RPS27A: variants seen among roughly 807,000 people sequenced by gnomAD.
RPS27A encodes ribosomal protein S27a, also known as ubiquitin-ribosomal protein eS31 fusion protein.
In RPS27A, 1 loss-of-function variant was observed where a neutral mutation model predicts 18.9. The observed-to-expected ratio is 0.05, with a 90% CI of 0.02 to 0.25. RPS27A has a LOEUF of 0.25. Ranked by LOEUF, RPS27A falls within the 10% of genes least tolerant of loss-of-function variation. RPS27A has a pLI of 1.00. For missense variants in RPS27A, 123 were observed against 187.4 expected, an observed-to-expected ratio of 0.66 and a Z score of 2.01; for synonymous variants, 77 against 63.7, an observed-to-expected ratio of 1.21 and a Z score of -0.99.
chr2:55,232,979 G>A, intron 2 of RPS27A, 107 bp downstream of exon 2: 3 of 965,130 alleles, frequency 3.1e-6, no homozygotes, highest in Non-Finnish European at 3.3e-6. Context: ...CCGAATTTGG[G>A]TTCTAAAACT....
At chr2:55,233,753 C>A in intron 3 of RPS27A, 1 of 472,602 alleles carries the variant, frequency 2.1e-6, no homozygotes. Context: ...TTCAGCCTCC[C>A]TATTAGTGGG....
At chr2:55,235,079 G>C in intron 5 of RPS27A, 117 bp downstream of exon 5, 3 of 1,124,722 alleles carry the variant, frequency 2.7e-6, no homozygotes, top group Non-Finnish European at 3.9e-6. Context: ...TCCCACTTTG[G>C]TTTAAATGAG....
In RPS27A at chr2:55,232,688, C is replaced by T. The variant is rs964182670; in HGVS notation, c.-38C>T. On this transcript the variant is annotated 5_prime_UTR_variant, in exon 1 of 6. Transcript: ENST00000272317. ...CCCGTGGGCCTGCGCGGCGTTCTTC[C>T]TTTTCGATCCGCCATCTGCGGTGGG... The T allele has an allele frequency of 3.8e-5, 31 of 825,556 alleles. No individual in the cohort carries two copies. The highest frequency in any genetic ancestry group is 5.9e-5 in the Non-Finnish European group (29 of 487,650). 51.1% of individuals were successfully genotyped at this position (825,556 alleles called of 1,614,324 possible). A position where few individuals can be genotyped will look rare whatever the true frequency, so the allele number is the denominator to read the frequency against.
intron 2 of RPS27A, 134 bp downstream of exon 2, chr2:55,233,006 T>C: frequency 1.3e-6 from 1 of 781,976 alleles, no homozygotes; most frequent in East Asian, 2.7e-5. Context: ...TTGAAATGAG[T>C]ACCTTTTGCT....
At chr2:55,235,078 G>A (rs1022028112) in intron 5 of RPS27A, 116 bp downstream of exon 5, 1 of 1,161,502 alleles carries the variant, frequency 8.6e-7, no homozygotes, top group South Asian at 1.3e-5. Context: ...ATCCCACTTT[G>A]GTTTAAATGA....
rs756252319 is a variant in RPS27A at position 55,233,425 on chromosome 2, G to A, written c.103+8G>A. The stretch of plus-strand genomic sequence containing the variant: ...AGATCCAGGATAAGGAAGGCAAGTA[G>A]TATTTTGTAGTTAAGAAAACTTAAC... On this transcript the variant is annotated splice_region_variant and intron_variant, in intron 3 of 5. Transcript: ENST00000272317. 7 of 1,608,838 alleles carry A rather than the reference G, an allele frequency of 4.4e-6. No individual in the cohort carries two copies. Among genetic ancestry groups the A allele is most frequent in the East Asian group, 4.5e-5 (2 of 44,878 alleles).
upstream of RPS27A, chr2:55,232,565 C>T (rs1316396812): frequency 3.5e-6 from 2 of 570,444 alleles, no homozygotes; most frequent in Non-Finnish European, 6.3e-6. Context: ...AAGTTCACGT[C>T]CTAGTCTGGC....
At chr2:55,234,591 C>T in intron 4 of RPS27A, 2 of 581,564 alleles carry the variant, frequency 3.4e-6, no homozygotes, top group South Asian at 4.0e-5. Flanking sequence ...TTGAGAAGCA[C>T]TGCTATAGTT....
In RPS27A at chr2:55,234,858, C is replaced by G. The variant is rs1329397176; in HGVS notation, c.217C>G (p.Leu73Val). 1.2e-6 allele frequency: 2 copies of G among 1,612,428 alleles called. No homozygotes were observed. The highest frequency in any genetic ancestry group is 1.3e-5 in the African/African-American group (1 of 74,876). Residue 73 changes from leucine to valine, a missense_variant, in exon 5 of 6, where the codon CTT (leucine) becomes GTT (valine). Around this residue, in one of 2 missense-constraint regions of RPS27A, gnomAD observed 57 missense variants for 114.8 expected, o/e 0.50. Transcript: ENST00000272317. ...GTCTACTCTTCATCTTGTGTTGAGA[C>G]TTCGTGGTGGTGCTAAGAAAAGGAA... ...KESTLHLVLR[L>V]RGGAKKRKKK...
rs774178398 is a variant in RPS27A at position 55,232,854 on chromosome 2, G to A, written c.30G>A (p.Gly10=). The part of the protein sequence containing the change: MQIFVKTLT[G]KTITLEVEPS... ...AGATTTTCGTGAAAACCCTTACGGG[G>A]AAGACCATCACCCTCGAGGTACGGG... Residue 10 remains glycine (G), a synonymous_variant, in exon 2 of 6, where the codon GGG becomes GGA. Coordinates refer to ENST00000272317, the MANE Select transcript of RPS27A (RefSeq NM_002954.6). 12 of 1,613,180 alleles carry A rather than the reference G, an allele frequency of 7.4e-6. No individual in the cohort carries two copies. In the East Asian group the frequency reaches 1.8e-4, roughly 24 times the overall value.
intron 4 of RPS27A, 28 bp downstream of exon 4, chr2:55,234,232 T>C (rs1168777644): frequency 2.0e-6 from 3 of 1,494,808 alleles, no homozygotes; most frequent in Admixed American, 1.7e-5. Context: ...GCAGCCTCTT[T>C]TAAAAAAAAA....
chr2:55,235,724 G>GTCACATAATCCCCAGA lies in RPS27A; in HGVS notation c.*147_*148insTCACATAATCCCCAGA. On this transcript the variant is annotated 3_prime_UTR_variant, in exon 6 of 6. Coordinates refer to ENST00000272317, the MANE Select transcript of RPS27A (RefSeq NM_002954.6). ...ATCGCTGTGTGAATGTTGCCTCTGGGGATTATGTGACCCAGTGGTTCTGTA... is the reference window on the plus strand; with the variant it reads ...ATCGCTGTGTGAATGTTGCCTCTGGGTCACATAATCCCCAGAGATTATGTGACCCAGTGGTTCTGTA... 2.2e-6 allele frequency: 2 copies of GTCACATAATCCCCAGA among 924,084 alleles called. No individual in the cohort carries two copies. The highest frequency in any genetic ancestry group is 3.4e-6 in the Non-Finnish European group (2 of 593,418). 57.2% of individuals were successfully genotyped at this position (924,084 alleles called of 1,614,324 possible). A position where few individuals can be genotyped will look rare whatever the true frequency, so the allele number is the denominator to read the frequency against.
At chr2:55,231,909 C>G (rs1200305980), upstream of RPS27A, 1 of 152,188 alleles carries the variant, frequency 6.6e-6, no homozygotes, top group Admixed American at 6.5e-5. Flanking sequence ...ACACAAGACC[C>G]AGACTCTTCC....
chr2:55,234,616 T>G (rs773008591), intron 4 of RPS27A: 29 of 606,220 alleles, frequency 4.8e-5, no homozygotes, highest in Non-Finnish European at 7.9e-5. Flanking sequence ...CATTATGAAT[T>G]TTGCAAGTTG....
Position 55,232,878 on chromosome 2 carries a change from G to C in RPS27A, c.48+6G>C. Reference sequence around the variant, plus strand: ...GGAAGACCATCACCCTCGAGGTACGGGCCGGGTGGTCATGAGGAAGCCAAG... The same window carrying C: ...GGAAGACCATCACCCTCGAGGTACGCGCCGGGTGGTCATGAGGAAGCCAAG... On this transcript the variant is annotated splice_donor_region_variant and intron_variant, in intron 2 of 5. Transcript: ENST00000272317. 6.2e-7 allele frequency: 1 copy of C among 1,612,188 alleles called. No individual in the cohort carries two copies. Among genetic ancestry groups the C allele is most frequent in the East Asian group, 2.2e-5 (1 of 44,868 alleles).
At chr2:55,234,802 G>GA (rs770685757) in intron 4 of RPS27A, 29 bp from the exon 5 acceptor site, 8 of 1,611,484 alleles carry the variant, frequency 5.0e-6, no homozygotes, top group Non-Finnish European at 8.5e-7. Flanking sequence ...GTGGAATCAT[G>GA]AAAGCTTGCT....
chr2:55,232,917 C>G (rs374536442), intron 2 of RPS27A, 45 bp downstream of exon 2: 75 of 1,513,958 alleles, frequency 5.0e-5, no homozygotes, highest in Non-Finnish European at 6.8e-5. Flanking sequence ...CGAATAAGGT[C>G]CTGAGGTGGA....
At chr2:55,233,007 A>G (rs1675560155) in intron 2 of RPS27A, 135 bp downstream of exon 2, 3 of 795,062 alleles carry the variant, frequency 3.8e-6, no homozygotes, top group African/African-American at 3.4e-5. Flanking sequence ...TGAAATGAGT[A>G]CCTTTTGCTG....
At position 55,235,534 on chromosome 2, in the gene RPS27A, A is replaced by G. The variant is rs1573833181; in HGVS notation, c.428A>G (p.Lys143Arg). Reference protein sequence around the residue: ...ASHFDRHYCGKCCLTYCFNKP... With the variant: ...ASHFDRHYCGRCCLTYCFNKP... ...CACTTTGACAGACATTATTGTGGCA[A>G]ATGTTGTCTGACTTACTGTTTCAAC... Residue 143 changes from lysine to arginine, a missense_variant, in exon 6 of 6, where the codon AAA (lysine) becomes AGA (arginine). Transcript: ENST00000272317. 2 of 1,607,826 alleles carry G rather than the reference A, an allele frequency of 1.2e-6. No homozygotes were observed. The highest frequency in any genetic ancestry group is 1.7e-6 in the Non-Finnish European group (2 of 1,179,998).
Sources: allele counts gnomAD v4.1 joint callset, GRCh38; gene constraint gnomAD v4.1.1; regional missense constraint gnomAD v4.1.1; transcripts MANE v1.5; gene names NCBI Gene and HGNC (gene_info 2026-07-23, HGNC 2026-07-21).